Variants in PRIM2 observed in about 807,000 individuals in gnomAD.
PRIM2 encodes DNA primase subunit 2.
Under a neutral mutation model 67.3 loss-of-function variants are expected in PRIM2, and 39 were observed. The observed-to-expected ratio is 0.58, with a 90% confidence interval of 0.45 to 0.76. The LOEUF (loss-of-function observed/expected upper bound fraction) is 0.76. PRIM2 is among the 30% of genes least tolerant of loss of function. The pLI, the probability that PRIM2 is intolerant of heterozygous loss-of-function variation, is 0.00. For missense variants in PRIM2, 398 were observed against 598.7 expected, an observed-to-expected ratio of 0.66 and a Z score of 3.50; for synonymous variants, 143 against 198.7, an observed-to-expected ratio of 0.72 and a Z score of 2.36.
chr6:57,576,627 T>C (rs1775968296), intron 10 of PRIM2, among the ~76,000 whole-genome samples: 1 of 150,792 alleles, frequency 6.6e-6, no homozygotes, highest in African/African-American at 2.4e-5. Flanking sequence ...CTATCATTAC[T>C]GTGATGCCTG....
chr6:57,410,766 A>G (rs2159647), intron 7 of PRIM2, among the ~76,000 whole-genome samples: 1 of 152,002 alleles, frequency 6.6e-6, no homozygotes, highest in African/African-American at 2.4e-5. Context: ...CTCTGCTACG[A>G]TGTTTAATAG....
rs551220974 is a variant in PRIM2, at chr6:57,366,880, G to A, written c.460-13021G>A. Among the ~76,000 whole-genome samples the A allele has an allele frequency of 2.0e-5, 3 of 152,234 alleles. No individual in the cohort carries two copies. In the South Asian group the frequency reaches 6.2e-4, roughly 32 times the overall value. On this transcript the variant is annotated intron_variant, in intron 5 of 13. Transcript: ENST00000615550. ...AAGTTATGTTAATTTATGCTAGCAC[G>A]GTGTTCTCATGAGATAGCAAGGAGG...
chr6:57,288,398 C>G, the PRIM2 span, among the ~76,000 whole-genome samples: 3 of 152,158 alleles, frequency 2.0e-5, no homozygotes, highest in African/African-American at 4.8e-5. Flanking sequence ...AGACAGCTTC[C>G]GAAGACCTAA....
At chr6:57,580,659 A>G (rs1281147707) in intron 10 of PRIM2, among the ~76,000 whole-genome samples, 3 of 152,206 alleles carry the variant, frequency 2.0e-5, no homozygotes, top group African/African-American at 7.2e-5. Context: ...CATCTCTGGA[A>G]TGAAGTTCTT....
the PRIM2 span, among the ~76,000 whole-genome samples, chr6:57,287,376 C>G: frequency 6.6e-6 from 1 of 152,200 alleles, no homozygotes; most frequent in Admixed American, 6.5e-5. Context: ...CCATCAATGA[C>G]AGAGTGGATA....
chr6:57,644,003 C>T (rs1467172148), intron 13 of PRIM2, among the ~76,000 whole-genome samples: 2 of 152,236 alleles, frequency 1.3e-5, no homozygotes, highest in Non-Finnish European at 2.9e-5. Flanking sequence ...TGGCAGCAAC[C>T]CCTTTTTCCC....
intron 12 of PRIM2, among the ~76,000 whole-genome samples, chr6:57,618,724 C>T (rs1345414504): frequency 2.6e-5 from 4 of 152,276 alleles, no homozygotes; most frequent in African/African-American, 9.6e-5. Context: ...TGCACAACTC[C>T]AGTGACCTGG....
chr6:57,591,861 C>T (rs2127488687), intron 10 of PRIM2, among the ~76,000 whole-genome samples: 1 of 151,546 alleles, frequency 6.6e-6, no homozygotes, highest in Non-Finnish European at 1.5e-5. Flanking sequence ...CAAAAAGACA[C>T]CTGTACTTTT....
chr6:57,539,277 C>CTT (rs1775084101), intron 10 of PRIM2, among the ~76,000 whole-genome samples: 3 of 152,028 alleles, frequency 2.0e-5, no homozygotes, highest in Non-Finnish European at 4.4e-5. Context: ...ACATTGAAGC[C>CTT]TTTTACTCTA....
At chr6:57,565,665 C>G (rs1775722501) in intron 10 of PRIM2, among the ~76,000 whole-genome samples, 2 of 152,180 alleles carry the variant, frequency 1.3e-5, no homozygotes, top group East Asian at 3.8e-4. Context: ...GATTCAAATA[C>G]CAGTCTCATC....
At chr6:57,594,189 C>G (rs1191508138) in intron 10 of PRIM2, among the ~76,000 whole-genome samples, 8 of 152,244 alleles carry the variant, frequency 5.3e-5, no homozygotes, top group African/African-American at 1.9e-4. Context: ...TGAAAGTTTT[C>G]TTTTCTTTGA....
intron 3 of PRIM2, among the ~76,000 whole-genome samples, chr6:57,321,747 A>G (rs137959474): frequency 5.5e-4 from 84 of 152,326 alleles, no homozygotes; most frequent in Non-Finnish European, 9.8e-4. Context: ...AGTGCATTAC[A>G]TATATTAACC....
At chr6:57,533,276 A>AT (rs1348804106) in intron 9 of PRIM2, among the ~76,000 whole-genome samples, 72 of 152,234 alleles carry the variant, frequency 4.7e-4, no homozygotes, top group African/African-American at 1.7e-3. Context: ...ACATAACAGC[A>AT]TTTGCACTCC....
At chr6:57,322,576 A>C (rs1165507883) in intron 3 of PRIM2, among the ~76,000 whole-genome samples, 1 of 152,086 alleles carries the variant, frequency 6.6e-6, no homozygotes, top group Non-Finnish European at 1.5e-5. Context: ...CCATGTGAAG[A>C]AGGACGTGTT....
intron 10 of PRIM2, among the ~76,000 whole-genome samples, chr6:57,589,067 A>G (rs1418499124): frequency 1.3e-5 from 2 of 152,178 alleles, no homozygotes; most frequent in East Asian, 3.9e-4. Flanking sequence ...GAGTGCACCC[A>G]AGGAAGGAAC....
chr6:57,288,696 C>T, the PRIM2 span, among the ~76,000 whole-genome samples: 1 of 152,152 alleles, frequency 6.6e-6, no homozygotes, highest in African/African-American at 2.4e-5. Flanking sequence ...TCCAACAGAC[C>T]TGCAGCTGAG....
At chr6:57,299,255 AGTT>A in the PRIM2 span, among the ~76,000 whole-genome samples, 1 of 152,202 alleles carries the variant, frequency 6.6e-6, no homozygotes, top group Non-Finnish European at 1.5e-5. Flanking sequence ...GAAACTAAAA[AGTT>A]TGATTAACTG....
chr6:57,455,232 A>C (rs1772723087), intron 7 of PRIM2, among the ~76,000 whole-genome samples: 1 of 151,978 alleles, frequency 6.6e-6, no homozygotes, highest in South Asian at 2.1e-4. Flanking sequence ...GGAATAAGTG[A>C]GGTGTGGTGC....
At chr6:57,505,596 G>T (rs1554347195) in intron 7 of PRIM2, among the ~76,000 whole-genome samples, 2 of 152,184 alleles carry the variant, frequency 1.3e-5, no homozygotes, top group East Asian at 1.9e-4. Flanking sequence ...TTAATTAGGG[G>T]TGTGGTTAAC....
Sources: allele counts gnomAD v4.1 joint callset (sites outside exome capture counted in the v4.1 genomes callset), GRCh38; gene constraint gnomAD v4.1.1; transcripts MANE v1.5; gene names NCBI Gene and HGNC (gene_info 2026-07-23, HGNC 2026-07-21).